DNAJC12: variants seen among roughly 807,000 people sequenced by gnomAD.
DNAJC12 encodes DnaJ heat shock protein family (Hsp40) member C12.
A neutral mutation model predicts 28.5 loss-of-function variants in DNAJC12; 25 were observed. The ratio of observed to expected loss-of-function variants is 0.88; its 90% CI spans 0.64 to 1.22. The LOEUF is 1.22. Ranked by LOEUF, DNAJC12 falls within the 50% of genes most tolerant of loss-of-function variation. The pLI is 0.00. For missense variants in DNAJC12, 222 were observed against 231.7 expected (o/e 0.96, Z 0.27); for synonymous variants, 77 against 80.6 (o/e 0.95, Z 0.24).
At chr10:67,828,674 C>CTATA (rs71483912) in intron 1 of DNAJC12, among the ~76,000 whole-genome samples, 42 of 150,648 alleles carry the variant, frequency 2.8e-4, no homozygotes, top group African/African-American at 8.3e-4. Context: ...CTCTCTCTCT[C>CTATA]TATATATATA....
intron 4 of DNAJC12, among the ~76,000 whole-genome samples, chr10:67,798,187 A>G (rs1284044547): frequency 1.3e-5 from 2 of 152,074 alleles, no homozygotes; most frequent in African/African-American, 2.4e-5. Context: ...TTTGCAAACC[A>G]AGAAACATTC....
chr10:67,799,392 G>A (rs979395861), intron 4 of DNAJC12, among the ~76,000 whole-genome samples: 2 of 152,060 alleles, frequency 1.3e-5, no homozygotes, highest in African/African-American at 4.8e-5. Flanking sequence ...TGCTATAATT[G>A]TTCCTATAAT....
chr10:67,811,488 T>G (rs1217638427), intron 3 of DNAJC12, 36 bp downstream of exon 3: 2 of 1,613,146 alleles, frequency 1.2e-6, no homozygotes, highest in Admixed American at 1.7e-5. Context: ...CATCCTGAGC[T>G]TCACAAATTC....
intron 1 of DNAJC12, among the ~76,000 whole-genome samples, chr10:67,833,270 C>T (rs994420148): frequency 6.6e-6 from 1 of 152,278 alleles, no homozygotes; most frequent in Non-Finnish European, 1.5e-5. Flanking sequence ...CAGCCAAGAT[C>T]ATTCACTTAT....
chr10:67,808,702 A>T (rs1841828807), intron 3 of DNAJC12: 1 of 152,182 alleles, frequency 6.6e-6, no homozygotes, highest in Non-Finnish European at 1.5e-5. Context: ...CCATGGACTC[A>T]GATGAGCCAT....
intron 2 of DNAJC12, among the ~76,000 whole-genome samples, chr10:67,812,052 C>T (rs1841866169): frequency 1.3e-5 from 2 of 152,064 alleles, no homozygotes; most frequent in South Asian, 4.1e-4. Flanking sequence ...AGTAATTAGG[C>T]AAGAGGGACA....
chr10:67,832,042 G>C (rs1842098814), intron 1 of DNAJC12, among the ~76,000 whole-genome samples: 1 of 152,174 alleles, frequency 6.6e-6, no homozygotes, highest in African/African-American at 2.4e-5. Context: ...GAGGTGGGCA[G>C]ATCACCTGAG....
intron 2 of DNAJC12, among the ~76,000 whole-genome samples, chr10:67,822,273 C>G (rs1441696857): frequency 6.6e-6 from 1 of 152,086 alleles, no homozygotes; most frequent in Admixed American, 6.6e-5. Flanking sequence ...GCATAGTATC[C>G]TGACAGCTAA....
chr10:67,808,187 T>G (rs1458888738), intron 3 of DNAJC12, among the ~76,000 whole-genome samples: 1 of 152,174 alleles, frequency 6.6e-6, no homozygotes, highest in East Asian at 1.9e-4. Context: ...CTCATTTCAG[T>G]AGAATCAGCA....
At chr10:67,822,944 A>G (rs1223299611) in intron 2 of DNAJC12, among the ~76,000 whole-genome samples, 4 of 151,966 alleles carry the variant, frequency 2.6e-5, no homozygotes, top group Non-Finnish European at 4.4e-5. Flanking sequence ...GCAGTGAGAC[A>G]TGATCGCACC....
chr10:67,811,221 T>G, intron 3 of DNAJC12: 6 of 1,007,254 alleles, frequency 6.0e-6, no homozygotes, highest in Non-Finnish European at 7.4e-6. Flanking sequence ...ATGAGCAACT[T>G]GAGAAGTACA....
At chr10:67,819,683 A>G (rs796359937) in intron 2 of DNAJC12, among the ~76,000 whole-genome samples, 265 of 11,328 alleles carry the variant, frequency 0.023, 16 homozygotes, top group East Asian at 0.033. Flanking sequence ...AGAAAGAAAG[A>G]AAGAAAGAAA....
At chr10:67,811,844 A>G (rs552078645) in intron 2 of DNAJC12, among the ~76,000 whole-genome samples, 181 bp from the exon 3 acceptor site, 1 of 152,306 alleles carries the variant, frequency 6.6e-6, no homozygotes, top group African/African-American at 2.4e-5. Flanking sequence ...TCATGGATGT[A>G]AAGTGCTCGG....
At chr10:67,797,258 C>T (rs778409344) in intron 4 of DNAJC12, 48 bp from the exon 5 acceptor site, 7 of 1,518,918 alleles carry the variant, frequency 4.6e-6, no homozygotes, top group Admixed American at 3.5e-5. Flanking sequence ...TAGGAAAAGT[C>T]GATCTTGTTA....
chr10:67,801,890 C>A (rs544844103), intron 4 of DNAJC12, among the ~76,000 whole-genome samples: 30 of 105,032 alleles, frequency 2.9e-4, no homozygotes, highest in Non-Finnish European at 4.5e-4. Context: ...GACACAGGGT[C>A]TTGCTCTATC....
intron 2 of DNAJC12, chr10:67,816,202 T>C (rs1458572794): frequency 5.0e-6 from 2 of 397,478 alleles, no homozygotes; most frequent in Non-Finnish European, 8.9e-6. Context: ...AGTCACATTT[T>C]AAATGTATGC....
intron 1 of DNAJC12, among the ~76,000 whole-genome samples, chr10:67,828,335 C>A (rs886120405): frequency 3.9e-5 from 6 of 152,016 alleles, no homozygotes; most frequent in Admixed American, 3.3e-4. Flanking sequence ...GTGTATCTAT[C>A]TCTCTATATG....
chr10:67,809,960 G>T (rs1424930113), intron 3 of DNAJC12, among the ~76,000 whole-genome samples: 1 of 152,110 alleles, frequency 6.6e-6, no homozygotes, highest in South Asian at 2.1e-4. Flanking sequence ...TCATCCATGT[G>T]TCTAAAAACC....
At position 67,826,790 on chromosome 10, in the gene DNAJC12, TAGATATCAGATATATAATGATATATATA is replaced by T. The variant is rs1842038891; in HGVS notation, c.79-3426_79-3399del. Among the ~76,000 whole-genome samples the T allele has an allele frequency of 2.4e-5, 3 of 125,546 alleles. No individual in the cohort carries two copies. The South Asian group carries it at 6.9e-4, about 29-fold the overall frequency. The allele number at this position is 125,546 out of a possible 152,430, so 82.4% of individuals were successfully genotyped here. A position where few individuals can be genotyped will look rare whatever the true frequency, so the allele number is the denominator to read the frequency against. ...TCTAATGATATATAATATATATCAT[TAGATATCAGATATATAATGATATATATA>T]ATATATATCATATATAAGATATCTA... On this transcript the variant is annotated intron_variant, in intron 1 of 4. Coordinates refer to ENST00000225171, the MANE Select transcript of DNAJC12 (RefSeq NM_021800.3).
Sources: gnomAD v4.1 joint callset for allele counts (sites outside exome capture counted in the v4.1 genomes callset) on GRCh38, gnomAD v4.1.1 for gene constraint, MANE v1.5 for transcripts, NCBI Gene and HGNC (gene_info 2026-07-23, HGNC 2026-07-21) for gene names.